The following SCN11A variants were observed in gnomAD, a reference collection of about 807,000 sequenced individuals.
The protein encoded by SCN11A is sodium channel protein type 11 subunit alpha.
A neutral mutation model predicts 162.2 loss-of-function variants in SCN11A; 122 were observed. The observed-to-expected ratio is 0.75, with a 90% CI of 0.65 to 0.87. The LOEUF is 0.87. Ranked by LOEUF, SCN11A falls within the 40% of genes least tolerant of loss-of-function variation. The pLI, the probability that SCN11A is intolerant of heterozygous loss-of-function variation, is 0.00. For missense variants in SCN11A, 2,015 were observed against 2,181.6 expected (o/e 0.92, Z 1.52); for synonymous variants, 758 against 751.5 (o/e 1.01, Z -0.14).
intron 2 of SCN11A, among the ~76,000 whole-genome samples, chr3:39,018,329 G>A (rs951497989): frequency 6.6e-6 from 1 of 152,104 alleles, no homozygotes; most frequent in Admixed American, 6.5e-5. Context: ...TTGGTTGTCT[G>A]TCCTGAAAAC....
At chr3:38,905,814 G>C (rs1028655200) in intron 14 of SCN11A, among the ~76,000 whole-genome samples, 1 of 152,186 alleles carries the variant, frequency 6.6e-6, no homozygotes, top group Non-Finnish European at 1.5e-5. Context: ...AAAAAGAACA[G>C]TCCCACTAAA....
intron 29 of SCN11A, chr3:38,849,944 T>G (rs1242058777): frequency 6.6e-6 from 1 of 152,536 alleles, no homozygotes; most frequent in Non-Finnish European, 1.5e-5. Context: ...AAGCTTTGAT[T>G]GTCTGAATGA....
chr3:39,034,452 T>C (rs940389450), intron 1 of SCN11A, among the ~76,000 whole-genome samples: 30 of 152,156 alleles, frequency 2.0e-4, no homozygotes, highest in African/African-American at 7.2e-4. Context: ...AGAAGGAACA[T>C]ATCTCAACAC....
chr3:38,889,032 T>C (rs1032119705), intron 19 of SCN11A, among the ~76,000 whole-genome samples: 3 of 152,178 alleles, frequency 2.0e-5, no homozygotes, highest in Non-Finnish European at 4.4e-5. Context: ...AAAAAAAAGA[T>C]ATTGAGCCTT....
At chr3:38,999,244 A>T (rs1054228390) in intron 2 of SCN11A, among the ~76,000 whole-genome samples, 12 of 152,184 alleles carry the variant, frequency 7.9e-5, no homozygotes, top group African/African-American at 2.7e-4. Flanking sequence ...TTTTACATGT[A>T]ACCACTTTTG....
At chr3:38,959,969 G>C (rs1338043955) in intron 3 of SCN11A, among the ~76,000 whole-genome samples, 1 of 152,164 alleles carries the variant, frequency 6.6e-6, no homozygotes, top group Non-Finnish European at 1.5e-5. Flanking sequence ...GACAAGATTT[G>C]AGATGACCTT....
At chr3:38,851,851 G>A (rs563415446) in intron 28 of SCN11A, among the ~76,000 whole-genome samples, 16 of 152,152 alleles carry the variant, frequency 1.1e-4, no homozygotes, top group Non-Finnish European at 2.4e-4. Context: ...ATAGGCTTAA[G>A]AGCTAATGTG....
chr3:38,921,146 GA>G lies in SCN11A; in HGVS notation c.821del (p.Leu274ProfsTer6). 1 of 1,614,128 alleles carries G rather than the reference GA, an allele frequency of 6.2e-7. No homozygotes were observed. Among genetic ancestry groups the G allele is most frequent in the Non-Finnish European group, 8.5e-7 (1 of 1,179,960 alleles). On this transcript the variant is annotated frameshift_variant, in exon 10 of 30. Coordinates refer to ENST00000302328, the MANE Select transcript of SCN11A (RefSeq NM_001349253.2). LOFTEE classifies it high-confidence loss of function. ...ATTTCAGGTTCAGACTTCCCATGAAGAGCTGCTGACCTACCAGGGCAAAGAT... is the reference window on the plus strand; with the variant it reads ...ATTTCAGGTTCAGACTTCCCATGAAGGCTGCTGACCTACCAGGGCAAAGAT... ...LSIFALVGQQ[L>X]FMGSLNLKCI... is the part of the protein sequence containing the mutation.
intron 1 of SCN11A, among the ~76,000 whole-genome samples, chr3:39,051,238 T>TTATTA: frequency 6.6e-6 from 1 of 152,232 alleles, no homozygotes; most frequent in Non-Finnish European, 1.5e-5. Flanking sequence ...TTAAGCCTAG[T>TTATTA]ACCCATTAGT....
chr3:39,007,003 A>G (rs561039530), intron 2 of SCN11A, among the ~76,000 whole-genome samples: 1 of 152,226 alleles, frequency 6.6e-6, no homozygotes, highest in South Asian at 2.1e-4. Context: ...AGTTTCATAG[A>G]GAGAGAGAAA....
At chr3:38,878,258 T>C (rs553554409) in intron 23 of SCN11A, among the ~76,000 whole-genome samples, 2 of 152,196 alleles carry the variant, frequency 1.3e-5, no homozygotes, top group Admixed American at 1.3e-4. Flanking sequence ...TTTTGATATT[T>C]TTAATGGCGA....
chr3:38,946,149 T>G (rs2066513134), intron 6 of SCN11A, among the ~76,000 whole-genome samples: 1 of 152,284 alleles, frequency 6.6e-6, no homozygotes, highest in African/African-American at 2.4e-5. Context: ...CCCTAAGTTT[T>G]AAGAGCCTGA....
At chr3:38,909,236 C>T in intron 12 of SCN11A, 42 bp from the exon 13 acceptor site, 3 of 1,598,596 alleles carry the variant, frequency 1.9e-6, no homozygotes, top group Admixed American at 3.3e-5. Flanking sequence ...AAACCTTCTT[C>T]CACAGGAAAG....
chr3:38,894,301 A>G (rs1388395322), intron 19 of SCN11A, among the ~76,000 whole-genome samples: 1 of 152,062 alleles, frequency 6.6e-6, no homozygotes, highest in Non-Finnish European at 1.5e-5. Flanking sequence ...CTGTCATCCC[A>G]GCCCACTCTG....
chr3:38,900,358 G>C (rs562036796), intron 16 of SCN11A, among the ~76,000 whole-genome samples: 1 of 152,202 alleles, frequency 6.6e-6, no homozygotes. Context: ...TGAAGATAAA[G>C]CAAAATGGTA....
chr3:38,863,441 C>A, intron 27 of SCN11A, 142 bp from the exon 28 acceptor site: 1 of 563,114 alleles, frequency 1.8e-6, no homozygotes, highest in Non-Finnish European at 3.1e-6. Flanking sequence ...AGAGACTGGA[C>A]CATAGCGAAA....
At chr3:38,872,528 G>A (rs2065146428) in intron 23 of SCN11A, among the ~76,000 whole-genome samples, 1 of 152,138 alleles carries the variant, frequency 6.6e-6, no homozygotes, top group Admixed American at 6.6e-5. Flanking sequence ...GGATTGGAGT[G>A]GGGGTAGGAG....
At chr3:38,867,676 T>C (rs1014115341) in intron 26 of SCN11A, among the ~76,000 whole-genome samples, 3 of 151,944 alleles carry the variant, frequency 2.0e-5, no homozygotes, top group Non-Finnish European at 4.4e-5. Context: ...TGATGGAAAA[T>C]CGGGCTTTTT....
rs562379429 is a variant in SCN11A, at chr3:38,886,129, C to T, written c.2945G>A (p.Arg982Gln). 7.7e-5 allele frequency: 123 copies of T among 1,604,558 alleles called. No individual in the cohort carries two copies. The highest frequency in any genetic ancestry group is 2.9e-4 in the East Asian group (13 of 44,800). ...ACAACATCCTAGGAAAATTACCTTT[C>T]GGGGATCCTGTATGGTCAGATGAGG... The part of the protein sequence containing the change: ...DEPHLTIQDP[R>Q]KKSDVTSILS... The change falls in exon 20 of 30, where the codon CGA becomes CAA. Residue 982 changes from arginine to glutamine, a missense_variant. Physicochemically the swap from Arg to Gln is conservative, Grantham distance 43. Transcript: ENST00000302328.
Sources: allele counts gnomAD v4.1 joint callset (sites outside exome capture counted in the v4.1 genomes callset), GRCh38; gene constraint gnomAD v4.1.1; transcripts MANE v1.5; gene names NCBI Gene and HGNC (gene_info 2026-07-23, HGNC 2026-07-21).